The following PGAM1 variants were observed in gnomAD, a reference collection of about 807,000 sequenced individuals.
PGAM1 encodes the protein phosphoglycerate mutase 1.
PGAM1 carries 21 observed loss-of-function variants against 23.5 expected under a neutral mutation model. That is an observed-to-expected ratio of 0.89 (90% CI 0.63 to 1.29). The LOEUF (loss-of-function observed/expected upper bound fraction) is 1.29. Among genes scored for constraint, PGAM1 ranks in the 50% most tolerant of loss-of-function variants. The pLI, the probability that PGAM1 is intolerant of heterozygous loss-of-function variation, is 0.00. For synonymous variants in PGAM1, 109 were observed against 128.6 expected (o/e 0.85, Z 1.03); for missense variants, 232 against 336.3 (o/e 0.69, Z 2.42).
chr10:97,426,677 C>A (rs1354676761), intron 1 of PGAM1, among the ~76,000 whole-genome samples: 1 of 152,266 alleles, frequency 6.6e-6, no homozygotes, highest in Non-Finnish European at 1.5e-5. Flanking sequence ...GGTCGCCCCG[C>A]AACCCTTTGC....
chr10:97,431,078 C>T lies in PGAM1; in HGVS notation c.538C>T (p.Arg180Cys), dbSNP rs1845465828. The T allele has an allele frequency of 6.2e-6, 10 of 1,614,012 alleles. No homozygotes were observed. The East Asian group carries it at 6.7e-5, about 11-fold the overall frequency. The change falls in exon 3 of 4, where the codon CGT (arginine) becomes TGT (cysteine). Residue 180 changes from arginine (R) to cysteine (C), a missense_variant. Arg to Cys is a radical substitution (Grantham distance 180). This residue lies in a region of PGAM1 where 191 missense variants were observed against 241.7 expected (regional missense o/e 0.79). Coordinates refer to ENST00000334828, the MANE Select transcript of PGAM1 (RefSeq NM_002629.4). Reference protein sequence around the residue: ...EIVPQIKEGKRVLIAAHGNSL... With the variant: ...EIVPQIKEGKCVLIAAHGNSL... ...AGTTCCCCAGATCAAGGAGGGGAAA[C>T]GTGTACTGATTGCAGCCCATGGCAA...
rs148291201 is a variant in PGAM1, at chr10:97,430,651, A to G, written c.412A>G (p.Lys138Glu). The G allele has an allele frequency of 3.7e-6, 6 of 1,603,012 alleles. No individual in the cohort carries two copies. The highest frequency in any genetic ancestry group is 3.4e-6 in the Non-Finnish European group (4 of 1,179,982). ...PDHPFYSNIS[K>E]DRRYADLTED... Reference sequence around the variant, plus strand: ...CCATCCTTTCTACAGCAACATCAGTAAGGTATGGACAAACAGAGGTTTGGT... The same window carrying G: ...CCATCCTTTCTACAGCAACATCAGTGAGGTATGGACAAACAGAGGTTTGGT... Residue 138 changes from lysine to glutamate, a missense_variant and splice_region_variant, in exon 2 of 4, where the codon AAG becomes GAG. Physicochemically the swap from Lys to Glu is moderately conservative, Grantham distance 56. Around this residue, in one of 3 missense-constraint regions of PGAM1, gnomAD observed 191 missense variants for 241.7 expected, o/e 0.79. Coordinates refer to ENST00000334828, the MANE Select transcript of PGAM1 (RefSeq NM_002629.4).
intron 1 of PGAM1, chr10:97,427,787 T>C: frequency 7.8e-7 from 1 of 1,289,160 alleles, no homozygotes. Flanking sequence ...CCTCCTTTGC[T>C]CCCTTCTAAC....
In PGAM1 at chr10:97,426,251, G is replaced by A; in HGVS notation, c.-57G>A. The A allele has an allele frequency of 6.2e-7, 1 of 1,608,980 alleles. No homozygotes were observed. Among genetic ancestry groups the A allele is most frequent in the Non-Finnish European group, 8.5e-7 (1 of 1,178,660 alleles). On this transcript the variant is annotated 5_prime_UTR_variant, in exon 1 of 4. Transcript: ENST00000334828. ...GCGCGCAGGCGCGGCCGACGGGGCG[G>A]GCTGCTACTCCGGAATCTGCTAATC...
rs775593471 is a variant in PGAM1, at chr10:97,430,631, C to T, written c.392C>T (p.Pro131Leu). The T allele has an allele frequency of 1.3e-4, 212 of 1,602,846 alleles. 7 individuals are homozygous for T. In the South Asian group the frequency reaches 2.2e-3, roughly 17 times the overall value. Residue 131 changes from proline (P) to leucine (L), a missense_variant, in exon 2 of 4, where the codon CCT becomes CTT. Physicochemically the swap from Pro to Leu is moderately conservative, Grantham distance 98. Coordinates refer to ENST00000334828, the MANE Select transcript of PGAM1 (RefSeq NM_002629.4). ...CCACCTCCGATGGAGCCCGACCATCCTTTCTACAGCAACATCAGTAAGGTA... is the reference window on the plus strand; with the variant it reads ...CCACCTCCGATGGAGCCCGACCATCTTTTCTACAGCAACATCAGTAAGGTA... Reference protein sequence around the residue: ...VPPPPMEPDHPFYSNISKDRR... With the variant: ...VPPPPMEPDHLFYSNISKDRR...
In PGAM1 at chr10:97,426,241, C is replaced by T. The variant is rs1845406425; in HGVS notation, c.-67C>T. 8 of 1,606,786 alleles carry T rather than the reference C, an allele frequency of 5.0e-6. No individual in the cohort carries two copies. In the Admixed American group the frequency reaches 8.4e-5, roughly 17 times the overall value. ...AGCGGTGCGAGCGCGCAGGCGCGGC[C>T]GACGGGGCGGGCTGCTACTCCGGAA... On this transcript the variant is annotated 5_prime_UTR_variant, in exon 1 of 4. Transcript: ENST00000334828.
chr10:97,427,522 T>G, intron 1 of PGAM1: 2 of 1,076,768 alleles, frequency 1.9e-6, no homozygotes. Flanking sequence ...AGGTCATATC[T>G]GATTCCTAGT....
At chr10:97,426,735 T>G (rs1179935307) in intron 1 of PGAM1, among the ~76,000 whole-genome samples, 2 of 152,224 alleles carry the variant, frequency 1.3e-5, no homozygotes, top group Admixed American at 1.3e-4. Flanking sequence ...GTCTGAACAT[T>G]TAATATGTCG....
Position 97,430,414 on chromosome 10 carries a change from G to A in PGAM1, c.175G>A (p.Val59Met). 6.2e-7 allele frequency: 1 copy of A among 1,611,466 alleles called. No homozygotes were observed. The highest frequency in any genetic ancestry group is 1.1e-5 in the South Asian group (1 of 90,994). The stretch of plus-strand genomic sequence containing the variant: ...TGAGTTTGACATCTGCTTCACCTCA[G>A]TGCAGAAGAGAGCGATCCGGACCCT... ...GYEFDICFTS[V>M]QKRAIRTLWT... is the part of the protein sequence containing the mutation. The change falls in exon 2 of 4, where the codon GTG becomes ATG. Residue 59 changes from valine (V) to methionine (M), a missense_variant. Physicochemically the swap from Val to Met is conservative, Grantham distance 21. Transcript: ENST00000334828.
At chr10:97,428,380 C>T (rs1250117862) in intron 1 of PGAM1, among the ~76,000 whole-genome samples, 2 of 152,178 alleles carry the variant, frequency 1.3e-5, no homozygotes, top group African/African-American at 2.4e-5. Context: ...TGCATCCTTA[C>T]TGCTAAGAGA....
At chr10:97,430,784 C>T (rs1038542254) in intron 2 of PGAM1, 131 bp downstream of exon 2, 395 of 1,446,586 alleles carry the variant, frequency 2.7e-4, no homozygotes, top group Non-Finnish European at 2.9e-4. Flanking sequence ...AGTGAATGAC[C>T]TTCACTTACT....
chr10:97,430,888 A>G, intron 2 of PGAM1, 67 bp from the exon 3 acceptor site: 1 of 1,597,408 alleles, frequency 6.3e-7, no homozygotes, highest in South Asian at 1.1e-5. Flanking sequence ...CAAAATCGAT[A>G]CATCATGAAG....
At chr10:97,427,740 G>T in intron 1 of PGAM1, 5 of 1,275,536 alleles carry the variant, frequency 3.9e-6, no homozygotes, top group Non-Finnish European at 4.1e-6. Flanking sequence ...AGAATCCCTG[G>T]ACTGAAGAGG....
At chr10:97,431,180 G>T in intron 3 of PGAM1, 45 bp downstream of exon 3, 1 of 1,609,614 alleles carries the variant, frequency 6.2e-7, no homozygotes, top group South Asian at 1.1e-5. Flanking sequence ...GGATAAAGCA[G>T]AACTGCCACA....
intron 1 of PGAM1, among the ~76,000 whole-genome samples, chr10:97,428,449 T>C (rs1487325749): frequency 6.6e-6 from 1 of 152,164 alleles, no homozygotes; most frequent in Admixed American, 6.6e-5. Flanking sequence ...CCCCTGTGAG[T>C]GCCCCTGGCT....
At chr10:97,430,356 C>A in intron 1 of PGAM1, 23 bp from the exon 2 acceptor site, 1 of 1,611,758 alleles carries the variant, frequency 6.2e-7, no homozygotes, top group Non-Finnish European at 8.5e-7. Context: ...GTTAGCTTAT[C>A]ACTTTGAACT....
At position 97,431,001 on chromosome 10, in the gene PGAM1, A is replaced by G. The variant is rs1440036519; in HGVS notation, c.461A>G (p.Glu154Gly). 6.2e-7 allele frequency: 1 copy of G among 1,613,850 alleles called. No homozygotes were observed. The highest frequency in any genetic ancestry group is 8.5e-7 in the Non-Finnish European group (1 of 1,179,906). Reference sequence around the variant, plus strand: ...ACAGAAGATCAGCTACCCTCCTGTGAGAGTCTGAAGGATACTATTGCCAGA... The same window carrying G: ...ACAGAAGATCAGCTACCCTCCTGTGGGAGTCTGAAGGATACTATTGCCAGA... ...DLTEDQLPSC[E>G]SLKDTIARAL... The change falls in exon 3 of 4, where the codon GAG (glutamate) becomes GGG (glycine). Residue 154 changes from glutamate to glycine, a missense_variant. Physicochemically the swap from Glu to Gly is moderately conservative, Grantham distance 98. Around this residue, in one of 3 missense-constraint regions of PGAM1, gnomAD observed 191 missense variants for 241.7 expected, o/e 0.79. Transcript: ENST00000334828.
In PGAM1 at chr10:97,430,589, G is replaced by T; in HGVS notation, c.350G>T (p.Arg117Leu). 1 of 1,601,672 alleles carries T rather than the reference G, an allele frequency of 6.2e-7. No homozygotes were observed. ...HGEAQVKIWR[R>L]SYDVPPPPME... is the part of the protein sequence containing the mutation. ...GAGGCCCAGGTGAAGATCTGGAGGC[G>T]CTCCTATGATGTCCCACCACCTCCG... The change falls in exon 2 of 4, where the codon CGC becomes CTC. Residue 117 changes from arginine to leucine, a missense_variant. Physicochemically the swap from Arg to Leu is moderately radical, Grantham distance 102 (BLOSUM62 -2). This residue lies in a region of PGAM1 where 191 missense variants were observed against 241.7 expected (regional missense o/e 0.79). Transcript: ENST00000334828.
chr10:97,429,245 A>G (rs968967361), intron 1 of PGAM1, among the ~76,000 whole-genome samples: 1 of 151,730 alleles, frequency 6.6e-6, no homozygotes, highest in African/African-American at 2.4e-5. Context: ...CTGGGACTAC[A>G]GGCGCCCGCC....
Sources: gnomAD v4.1 joint callset for allele counts (sites outside exome capture counted in the v4.1 genomes callset) on GRCh38, gnomAD v4.1.1 for gene constraint, gnomAD v4.1.1 regional missense constraint, MANE v1.5 for transcripts, NCBI Gene and HGNC (gene_info 2026-07-23, HGNC 2026-07-21) for gene names.